Variants in THSD7B observed in about 807,000 individuals in gnomAD.
THSD7B encodes thrombospondin type-1 domain-containing protein 7B.
In THSD7B, 138 loss-of-function variants were observed where a neutral mutation model predicts 213.6. The observed-to-expected ratio is 0.65, with a 90% CI of 0.56 to 0.74. The LOEUF is 0.74. Ranked by LOEUF, THSD7B falls within the 30% of genes least tolerant of loss-of-function variation. The pLI is 0.00. For missense variants in THSD7B, 1,931 were observed against 1,991.5 expected (o/e 0.97, Z 0.58); for synonymous variants, 742 against 687.0 (o/e 1.08, Z -1.25).
chr2:137,322,382 G>A (rs1057152548), intron 12 of THSD7B, among the ~76,000 whole-genome samples: 2 of 152,144 alleles, frequency 1.3e-5, no homozygotes, highest in African/African-American at 4.8e-5. Context: ...ACATAGCATG[G>A]AGCCTGACAT....
intron 17 of THSD7B, among the ~76,000 whole-genome samples, chr2:137,575,354 C>T (rs888857792): frequency 3.9e-5 from 6 of 151,998 alleles, no homozygotes; most frequent in African/African-American, 1.4e-4. Flanking sequence ...TTAAGCTATA[C>T]AGGAAAGATC....
intron 7 of THSD7B, among the ~76,000 whole-genome samples, chr2:137,180,017 T>G (rs1573870808): frequency 6.6e-6 from 1 of 152,324 alleles, no homozygotes; most frequent in South Asian, 2.1e-4. Context: ...AATGGTAATT[T>G]TATTTCCTTT....
chr2:136,795,218 T>C (rs747209014), intron 1 of THSD7B, among the ~76,000 whole-genome samples: 2 of 151,950 alleles, frequency 1.3e-5, no homozygotes, highest in African/African-American at 2.4e-5. Context: ...TCAGCAGGGC[T>C]GTATTTCTTT....
chr2:137,402,611 GTT>G (rs1686395267), intron 12 of THSD7B, among the ~76,000 whole-genome samples: 1 of 152,026 alleles, frequency 6.6e-6, no homozygotes, highest in South Asian at 2.1e-4. Context: ...GAGGTCAAGT[GTT>G]TGAGACCAGC....
At chr2:137,539,410 G>T (rs1028103586) in intron 15 of THSD7B, among the ~76,000 whole-genome samples, 9 of 151,722 alleles carry the variant, frequency 5.9e-5, no homozygotes, top group Admixed American at 2.6e-4. Context: ...TATGCTGTTT[G>T]GTTGTTAGGA....
At chr2:137,159,468 C>A (rs1186308299) in intron 5 of THSD7B, among the ~76,000 whole-genome samples, 1 of 149,574 alleles carries the variant, frequency 6.7e-6, no homozygotes, top group Non-Finnish European at 1.5e-5. Context: ...TTTAAAAGAG[C>A]AAAAAATAAA....
intron 1 of THSD7B, among the ~76,000 whole-genome samples, chr2:136,873,418 GC>G (rs1342642006): frequency 6.6e-6 from 1 of 152,122 alleles, no homozygotes; most frequent in African/African-American, 2.4e-5. Context: ...TGGTTCAAAG[GC>G]CTGAACAAGT....
chr2:137,349,517 A>G (rs969079129), intron 12 of THSD7B, among the ~76,000 whole-genome samples: 4 of 151,898 alleles, frequency 2.6e-5, no homozygotes, highest in Non-Finnish European at 5.9e-5. Flanking sequence ...AGAAAGGTCT[A>G]TCTTTAATTC....
chr2:137,147,003 G>A (rs972144165), intron 5 of THSD7B, among the ~76,000 whole-genome samples: 2 of 152,124 alleles, frequency 1.3e-5, no homozygotes, highest in African/African-American at 4.8e-5. Context: ...TCACAAGAGT[G>A]ACTCCCCAAC....
rs146394228 is a variant in THSD7B at position 137,637,335 on chromosome 2, A to G, written c.3800-5153A>G. On this transcript the variant is annotated intron_variant, in intron 20 of 27. Transcript: ENST00000409968. ...TGGTTCTTTAACTTATACAATCTAA[A>G]CATCCCTGACTTAAATAGAAAAAGA... Among the ~76,000 whole-genome samples, 590 of 152,328 alleles carry G rather than the reference A, an allele frequency of 3.9e-3. 5 individuals carry two copies. The highest frequency in any genetic ancestry group is 0.014 in the African/African-American group (570 of 41,572).
chr2:137,214,340 C>A (rs1434301750), intron 7 of THSD7B, among the ~76,000 whole-genome samples: 4 of 152,022 alleles, frequency 2.6e-5, no homozygotes, highest in Non-Finnish European at 2.9e-5. Context: ...ATTAAAATGA[C>A]AACATTAACT....
chr2:137,075,007 C>G (rs1260824888), intron 3 of THSD7B, among the ~76,000 whole-genome samples: 1 of 152,174 alleles, frequency 6.6e-6, no homozygotes, highest in Non-Finnish European at 1.5e-5. Flanking sequence ...TTCTCTCTGG[C>G]TGCTCTTAAC....
At chr2:137,256,769 C>G (rs1291262715) in intron 10 of THSD7B, among the ~76,000 whole-genome samples, 1 of 152,054 alleles carries the variant, frequency 6.6e-6, no homozygotes, top group Non-Finnish European at 1.5e-5. Context: ...GGGGACCATT[C>G]AATTATCTGG....
intron 12 of THSD7B, among the ~76,000 whole-genome samples, chr2:137,388,625 A>G (rs1436592532): frequency 6.6e-6 from 1 of 151,934 alleles, no homozygotes; most frequent in Non-Finnish European, 1.5e-5. Context: ...CTACCTAATT[A>G]TATGTTTGTA....
At chr2:136,915,933 TA>T (rs1684341114) in intron 2 of THSD7B, among the ~76,000 whole-genome samples, 1 of 152,262 alleles carries the variant, frequency 6.6e-6, no homozygotes, top group Non-Finnish European at 1.5e-5. Context: ...TAAGTGCCTA[TA>T]CTTGAAGTAC....
At chr2:137,490,162 C>G (rs939675003) in intron 15 of THSD7B, among the ~76,000 whole-genome samples, 4 of 152,144 alleles carry the variant, frequency 2.6e-5, no homozygotes, top group East Asian at 3.9e-4. Flanking sequence ...TAATTGGCCA[C>G]TAGAATTCAT....
chr2:137,449,383 C>G (rs1687604102), intron 14 of THSD7B, among the ~76,000 whole-genome samples: 1 of 152,212 alleles, frequency 6.6e-6, no homozygotes, highest in Non-Finnish European at 1.5e-5. Flanking sequence ...AAAAATACCA[C>G]AGACTTCACA....
At chr2:137,386,453 G>T (rs1685895668) in intron 12 of THSD7B, among the ~76,000 whole-genome samples, 1 of 151,668 alleles carries the variant, frequency 6.6e-6, no homozygotes, top group Non-Finnish European at 1.5e-5. Flanking sequence ...TTACAGGACA[G>T]GAAGCTTTAT....
At chr2:136,900,201 G>C (rs1256666828) in intron 2 of THSD7B, among the ~76,000 whole-genome samples, 1 of 152,200 alleles carries the variant, frequency 6.6e-6, no homozygotes, top group Non-Finnish European at 1.5e-5. Context: ...CTAATGCTGA[G>C]ACCAGGATCT....
Sources: allele counts gnomAD v4.1 joint callset (sites outside exome capture counted in the v4.1 genomes callset), GRCh38; gene constraint gnomAD v4.1.1; transcripts MANE v1.5; gene names NCBI Gene and HGNC (gene_info 2026-07-23, HGNC 2026-07-21).